GYPC: variants seen among roughly 807,000 people sequenced by gnomAD.
GYPC encodes the protein glycophorin C (Gerbich blood group), also known as glycophorin-C.
GYPC carries 14 observed loss-of-function variants against 12.6 expected under a neutral mutation model. That is an observed-to-expected ratio of 1.11 (90% confidence interval 0.74 to 1.74). The LOEUF is 1.74. GYPC is among the 40% of genes most tolerant of loss of function. The probability of loss-of-function intolerance (pLI) is 0.00; values close to 1 mark genes in which losing one functional copy is unlikely to be tolerated. For synonymous variants in GYPC, 78 were observed against 62.1 expected (o/e 1.26, Z -1.20); for missense variants, 225 against 172.1 (o/e 1.31, Z -1.72).
intron 1 of GYPC, 26 bp downstream of exon 1, chr2:126,656,338 C>T (rs1682352926): frequency 6.4e-7 from 1 of 1,573,200 alleles, no homozygotes; most frequent in South Asian, 1.2e-5. Flanking sequence ...GGGGAAGGGT[C>T]CTGGGGACCC....
At chr2:126,677,944 G>A (rs13428533) in intron 1 of GYPC, among the ~76,000 whole-genome samples, 5,548 of 152,302 alleles carry the variant, frequency 0.036, 350 homozygotes, top group African/African-American at 0.12. Flanking sequence ...CCCATCGGCC[G>A]GGTGCAGCGG....
At chr2:126,675,232 G>A (rs755976900) in intron 1 of GYPC, among the ~76,000 whole-genome samples, 13 of 152,176 alleles carry the variant, frequency 8.5e-5, no homozygotes, top group Non-Finnish European at 1.6e-4. Flanking sequence ...CATCCATCTC[G>A]TGGATTCCTC....
At chr2:126,670,330 G>A (rs949900581) in intron 1 of GYPC, among the ~76,000 whole-genome samples, 1 of 152,188 alleles carries the variant, frequency 6.6e-6, no homozygotes, top group African/African-American at 2.4e-5. Context: ...AAGTCTCACT[G>A]TGCAGCGCCT....
chr2:126,665,912 C>G (rs778840434), intron 1 of GYPC, among the ~76,000 whole-genome samples: 19 of 152,226 alleles, frequency 1.2e-4, no homozygotes, highest in Non-Finnish European at 2.4e-4. Flanking sequence ...CTCCTGGAAG[C>G]CAGGTGTGTC....
intron 2 of GYPC, among the ~76,000 whole-genome samples, chr2:126,691,176 T>C (rs1214809230): frequency 2.0e-5 from 3 of 152,278 alleles, no homozygotes; most frequent in African/African-American, 7.2e-5. Flanking sequence ...TCTTCAGCAG[T>C]CCCTCCCCAA....
intron 1 of GYPC, among the ~76,000 whole-genome samples, chr2:126,688,623 C>A (rs1410504011): frequency 1.3e-5 from 2 of 152,146 alleles, no homozygotes; most frequent in African/African-American, 2.4e-5. Flanking sequence ...CCAGAGTTCA[C>A]TGGGTCTCTT....
chr2:126,664,398 T>C (rs1473704479), intron 1 of GYPC, among the ~76,000 whole-genome samples: 1 of 152,106 alleles, frequency 6.6e-6, no homozygotes, highest in Admixed American at 6.6e-5. Context: ...AACTAGCAAG[T>C]GGATGTGACT....
intron 1 of GYPC, among the ~76,000 whole-genome samples, chr2:126,670,174 C>T (rs906899326): frequency 5.9e-5 from 9 of 152,244 alleles, no homozygotes; most frequent in African/African-American, 2.2e-4. Context: ...CCGCAGCTCC[C>T]ACTCAGGGAG....
At chr2:126,665,165 ATCTC>A (rs2104773775) in intron 1 of GYPC, among the ~76,000 whole-genome samples, 1 of 152,304 alleles carries the variant, frequency 6.6e-6, no homozygotes, top group African/African-American at 2.4e-5. Context: ...TGTAGGAAGA[ATCTC>A]TATGGGGAAG....
chr2:126,668,140 T>TCA (rs758562579), intron 1 of GYPC, among the ~76,000 whole-genome samples: 36 of 152,118 alleles, frequency 2.4e-4, no homozygotes, highest in Admixed American at 7.2e-4. Flanking sequence ...ACCCTAAAAG[T>TCA]CACACACACA....
rs113636459 is a variant in GYPC, at chr2:126,693,699, T to C, written c.107-165T>C. ...ACCAAGCAGAACCTGGTTCCTGGTC[T>C]GTGCATCCCTGCTAGGAGCAGTGGG... On this transcript the variant is annotated intron_variant, in intron 2 of 3. Coordinates refer to ENST00000259254, the MANE Select transcript of GYPC (RefSeq NM_002101.5). Among the ~76,000 whole-genome samples the C allele has an allele frequency of 2.0e-5, 3 of 152,204 alleles. 1 individual carries two copies. Among genetic ancestry groups the C allele is most frequent in the South Asian group, 4.1e-4 (2 of 4,834 alleles).
chr2:126,664,794 C>T (rs1461470759), intron 1 of GYPC, among the ~76,000 whole-genome samples: 1 of 152,212 alleles, frequency 6.6e-6, no homozygotes, highest in African/African-American at 2.4e-5. Context: ...TCCTCCTCTA[C>T]GTTGGCAGTC....
chr2:126,667,313 A>G (rs1010847388), intron 1 of GYPC, among the ~76,000 whole-genome samples: 6 of 152,084 alleles, frequency 3.9e-5, no homozygotes, highest in Non-Finnish European at 5.9e-5. Flanking sequence ...ACCTTCCCCA[A>G]TCATACCCCA....
chr2:126,694,689 G>A (rs1217790185), intron 3 of GYPC, among the ~76,000 whole-genome samples: 1 of 152,124 alleles, frequency 6.6e-6, no homozygotes, highest in South Asian at 2.1e-4. Flanking sequence ...CCTGAAGGCA[G>A]TAGGAAGTTT....
chr2:126,691,351 C>A (rs1683458124), intron 2 of GYPC, among the ~76,000 whole-genome samples: 1 of 152,112 alleles, frequency 6.6e-6, no homozygotes, highest in Admixed American at 6.6e-5. Context: ...ACTGTACTTC[C>A]CCACCCCTCT....
intron 1 of GYPC, among the ~76,000 whole-genome samples, chr2:126,659,927 C>CT (rs1350601698): frequency 1.3e-5 from 2 of 152,022 alleles, no homozygotes; most frequent in African/African-American, 2.4e-5. Context: ...GTAGCTAGGA[C>CT]TACCGGCATA....
intron 1 of GYPC, chr2:126,675,726 A>G: frequency 4.1e-6 from 4 of 981,904 alleles, no homozygotes; most frequent in Middle Eastern, 5.2e-4. Context: ...AGGATCCTTC[A>G]TTGCCCTTTC....
chr2:126,686,331 C>T (rs1406213249), intron 1 of GYPC: 10 of 985,710 alleles, frequency 1.0e-5, no homozygotes, highest in East Asian at 1.1e-4. Flanking sequence ...GAGCACTGCC[C>T]GCACTGCAGG....
chr2:126,672,514 G>A (rs918613684), intron 1 of GYPC, among the ~76,000 whole-genome samples: 1 of 152,184 alleles, frequency 6.6e-6, no homozygotes, highest in African/African-American at 2.4e-5. Flanking sequence ...GGCCCTGCAG[G>A]GAATGAGTGT....
Sources: allele counts gnomAD v4.1 joint callset (sites outside exome capture counted in the v4.1 genomes callset), GRCh38; gene constraint gnomAD v4.1.1; transcripts MANE v1.5; gene names NCBI Gene and HGNC (gene_info 2026-07-23, HGNC 2026-07-21).